The following CNTNAP5 variants were observed in gnomAD, a reference collection of about 807,000 sequenced individuals.
The protein encoded by CNTNAP5 is contactin-associated protein-like 5.
Under a neutral mutation model 150.2 loss-of-function variants are expected in CNTNAP5, and 72 were observed. The observed-to-expected ratio is 0.48, with a 90% confidence interval of 0.40 to 0.58. The LOEUF (loss-of-function observed/expected upper bound fraction) is 0.58, where lower values mean the gene tolerates loss of function less well. CNTNAP5 is among the 20% of genes least tolerant of loss of function. CNTNAP5 has a pLI of 0.00. For synonymous variants in CNTNAP5, 672 were observed against 619.8 expected, an observed-to-expected ratio of 1.08 and a Z score of -1.25; for missense variants, 1,636 against 1,626.2, an observed-to-expected ratio of 1.01 and a Z score of -0.10.
chr2:124,737,870 A>C (rs1411701414), intron 13 of CNTNAP5, among the ~76,000 whole-genome samples: 1 of 152,156 alleles, frequency 6.6e-6, no homozygotes, highest in Non-Finnish European at 1.5e-5. Context: ...GGGGAAATAA[A>C]GGTATTTACC....
intron 13 of CNTNAP5, among the ~76,000 whole-genome samples, chr2:124,658,103 G>C (rs770332725): frequency 1.3e-5 from 2 of 152,100 alleles, no homozygotes; most frequent in Non-Finnish European, 2.9e-5. Flanking sequence ...ATGAATAAAG[G>C]GTCTCTTCTC....
chr2:124,112,258 A>C (rs1683315615), intron 1 of CNTNAP5, among the ~76,000 whole-genome samples: 2 of 152,160 alleles, frequency 1.3e-5, no homozygotes, highest in Admixed American at 6.5e-5. Flanking sequence ...TTTGCTGTGA[A>C]TACTTCCCTC....
chr2:124,807,452 G>A (rs1218093988), intron 19 of CNTNAP5, among the ~76,000 whole-genome samples: 1 of 152,130 alleles, frequency 6.6e-6, no homozygotes, highest in Non-Finnish European at 1.5e-5. Context: ...ATCAAGTGCT[G>A]AGTATGTGCC....
intron 2 of CNTNAP5, among the ~76,000 whole-genome samples, chr2:124,226,169 T>A (rs1398868854): frequency 1.3e-5 from 2 of 152,066 alleles, no homozygotes; most frequent in East Asian, 3.9e-4. Context: ...GTTTCTTTTT[T>A]TTTTTTAGAA....
At chr2:124,902,729 G>A (rs190634422) in intron 21 of CNTNAP5, among the ~76,000 whole-genome samples, 153 bp from the exon 22 acceptor site, 17 of 152,182 alleles carry the variant, frequency 1.1e-4, no homozygotes, top group African/African-American at 3.6e-4. Context: ...GTGGGGAAAG[G>A]AGATAAAGAG....
At chr2:124,352,325 G>A (rs1038174101) in intron 3 of CNTNAP5, among the ~76,000 whole-genome samples, 2 of 152,012 alleles carry the variant, frequency 1.3e-5, no homozygotes, top group South Asian at 2.1e-4. Flanking sequence ...CTTACCTGTC[G>A]GAAGTCTCAA....
intron 1 of CNTNAP5, among the ~76,000 whole-genome samples, chr2:124,052,764 C>T (rs542592051): frequency 1.3e-5 from 2 of 152,302 alleles, no homozygotes; most frequent in African/African-American, 4.8e-5. Flanking sequence ...TTTGGCTGAC[C>T]TCTCTGAACT....
At chr2:124,675,161 A>G (rs989282264) in intron 13 of CNTNAP5, among the ~76,000 whole-genome samples, 10 of 151,812 alleles carry the variant, frequency 6.6e-5, no homozygotes, top group Admixed American at 2.0e-4. Flanking sequence ...TAATCGTTTT[A>G]TTTTCCTGAT....
chr2:124,894,767 G>A (rs1678269004), intron 21 of CNTNAP5, among the ~76,000 whole-genome samples: 1 of 151,096 alleles, frequency 6.6e-6, no homozygotes, highest in African/African-American at 2.5e-5. Context: ...TGCCAGGGCT[G>A]GTTTTGAACT....
rs780913110 is a variant in CNTNAP5, at chr2:124,914,257, T to A, written c.3893T>A (p.Val1298Glu). ...AATGAAATTGACTTGCAAAACACAG[T>A]GAGCGAGTGTAAACGGGAATATTTC... ...FRNEIDLQNT[V>E]SECKREYFI The change falls in exon 24 of 24, where the codon GTG (valine) becomes GAG (glutamate). Residue 1298 changes from valine to glutamate, a missense_variant. Transcript: ENST00000682447. 6.8e-6 allele frequency: 11 copies of A among 1,612,250 alleles called. No homozygotes were observed. In the South Asian group the frequency reaches 9.9e-5, roughly 14 times the overall value.
In CNTNAP5 at chr2:124,305,249, A is replaced by C. The variant is rs958827816; in HGVS notation, c.381+62856A>C. On this transcript the variant is annotated intron_variant, in intron 3 of 23. Transcript: ENST00000682447. ...GCTGAGATTGCACCACTGCACTCTAACCTTGATGACAGTCTAAAAAAAAAA... is the reference window on the plus strand; with the variant it reads ...GCTGAGATTGCACCACTGCACTCTACCCTTGATGACAGTCTAAAAAAAAAA... Among the ~76,000 whole-genome samples the C allele has an allele frequency of 8.6e-5, 13 of 151,526 alleles. 1 individual carries two copies. Among genetic ancestry groups the C allele is most frequent in the African/African-American group, 3.2e-4 (13 of 41,098 alleles).
intron 10 of CNTNAP5, among the ~76,000 whole-genome samples, chr2:124,547,741 C>T (rs1208249097): frequency 1.3e-5 from 2 of 152,180 alleles, no homozygotes; most frequent in South Asian, 2.1e-4. Flanking sequence ...TTTCTCATAG[C>T]AGAAGCCTTA....
rs945678638 is a variant in CNTNAP5 at position 124,475,435 on chromosome 2, G to A, written c.1062+553G>A. Reference sequence around the variant, plus strand: ...AGGACTGTGTTTTCTTTTTACTACTGCATTCACAATGCCTAACAGAGTGCC... The same window carrying A: ...AGGACTGTGTTTTCTTTTTACTACTACATTCACAATGCCTAACAGAGTGCC... On this transcript the variant is annotated intron_variant, in intron 7 of 23. Transcript: ENST00000682447. Among the ~76,000 whole-genome samples, 7 of 152,044 alleles carry A rather than the reference G, an allele frequency of 4.6e-5. No individual in the cohort carries two copies. The East Asian group carries it at 7.8e-4, about 17-fold the overall frequency.
rs1677510595 is a variant in CNTNAP5, at chr2:124,617,189, A to T, written c.1876+7269A>T. Among the ~76,000 whole-genome samples the T allele has an allele frequency of 2.0e-5, 3 of 152,126 alleles. No individual in the cohort carries two copies. In the South Asian group the frequency reaches 6.2e-4, roughly 32 times the overall value. ...TGGTACCGACAGACTTGCTCAACAT[A>T]GGGTTGCCACAAATCTTCACTTTTT... On this transcript the variant is annotated intron_variant, in intron 12 of 23. Transcript: ENST00000682447.
chr2:124,808,696 T>G (rs1573631003), intron 19 of CNTNAP5, among the ~76,000 whole-genome samples: 1 of 152,088 alleles, frequency 6.6e-6, no homozygotes, highest in South Asian at 2.1e-4. Context: ...GTGAAAAATA[T>G]GAACTCACTG....
chr2:124,404,285 T>C (rs1294227779), intron 3 of CNTNAP5, among the ~76,000 whole-genome samples: 1 of 152,238 alleles, frequency 6.6e-6, no homozygotes, highest in Non-Finnish European at 1.5e-5. Context: ...CAGACTGTAG[T>C]TAGGCAAATT....
intron 3 of CNTNAP5, among the ~76,000 whole-genome samples, chr2:124,307,409 G>C (rs1248137519): frequency 6.6e-6 from 1 of 152,086 alleles, no homozygotes; most frequent in African/African-American, 2.4e-5. Context: ...ATACGATTTG[G>C]GGAAGGACGC....
rs1436977649 is a variant in CNTNAP5 at position 124,356,768 on chromosome 2, C to T, written c.382-60675C>T. ...TGTGAATAATGCCACAATAAACATA[C>T]GTGTGCATGTGTCTTTATAGCAGCA... On this transcript the variant is annotated intron_variant, in intron 3 of 23. Transcript: ENST00000682447. Among the ~76,000 whole-genome samples the T allele has an allele frequency of 4.6e-5, 7 of 151,734 alleles. No individual in the cohort carries two copies. In the South Asian group the frequency reaches 1.3e-3, roughly 27 times the overall value.
At chr2:124,073,681 G>A (rs563240038) in intron 1 of CNTNAP5, among the ~76,000 whole-genome samples, 2 of 149,164 alleles carry the variant, frequency 1.3e-5, no homozygotes, top group Non-Finnish European at 3.0e-5. Context: ...CAAATGTCAG[G>A]CAATAACCAA....
Sources: gnomAD v4.1 joint callset for allele counts (sites outside exome capture counted in the v4.1 genomes callset) on GRCh38, gnomAD v4.1.1 for gene constraint, MANE v1.5 for transcripts, NCBI Gene and HGNC (gene_info 2026-07-23, HGNC 2026-07-21) for gene names.